BTBD9: variants seen among roughly 807,000 people sequenced by gnomAD.
BTBD9 encodes the protein BTB domain containing 9, also known as BTB/POZ domain-containing protein 9.
BTBD9 carries 49 observed loss-of-function variants against 64.3 expected under a neutral mutation model. The ratio of observed to expected loss-of-function variants is 0.76; its 90% CI spans 0.61 to 0.97. The LOEUF is 0.97. Ranked by LOEUF, BTBD9 falls within the 50% of genes least tolerant of loss-of-function variation. The probability of loss-of-function intolerance (pLI) is 0.00; values close to 1 mark genes in which losing one functional copy is unlikely to be tolerated. For synonymous variants in BTBD9, 260 were observed against 274.7 expected, an observed-to-expected ratio of 0.95 and a Z score of 0.53; for missense variants, 598 against 762.1, an observed-to-expected ratio of 0.78 and a Z score of 2.53.
chr6:38,364,733 C>T (rs993400169), intron 6 of BTBD9, among the ~76,000 whole-genome samples: 1 of 152,132 alleles, frequency 6.6e-6, no homozygotes, highest in African/African-American at 2.4e-5. Context: ...TAACCTAAAG[C>T]AAATCCTTTA....
chr6:38,501,996 T>C (rs1772223270), intron 6 of BTBD9, among the ~76,000 whole-genome samples: 1 of 152,194 alleles, frequency 6.6e-6, no homozygotes, highest in Non-Finnish European at 1.5e-5. Context: ...AAAGGGCTCC[T>C]GGGAACAAAA....
intron 9 of BTBD9, among the ~76,000 whole-genome samples, chr6:38,228,190 T>A (rs117852208): frequency 4.3e-4 from 65 of 151,834 alleles, no homozygotes; most frequent in Non-Finnish European, 6.9e-4. Context: ...GAGGAAACCT[T>A]GTCTTTACAA....
intron 6 of BTBD9, among the ~76,000 whole-genome samples, chr6:38,469,673 A>T (rs1010206200): frequency 1.3e-5 from 2 of 152,184 alleles, no homozygotes. Context: ...CCTCCTTGTC[A>T]TTTAAGAGAC....
chr6:38,392,511 CGTCT>C (rs1766465236), intron 6 of BTBD9, among the ~76,000 whole-genome samples: 1 of 150,302 alleles, frequency 6.7e-6, no homozygotes, highest in Admixed American at 6.7e-5. Flanking sequence ...CTTGACTAAG[CGTCT>C]ACTATACCAA....
intron 6 of BTBD9, among the ~76,000 whole-genome samples, chr6:38,477,607 G>T (rs528009587): frequency 1.1e-4 from 16 of 152,122 alleles, no homozygotes; most frequent in African/African-American, 3.9e-4. Flanking sequence ...ACATTTTACT[G>T]AGCTAACGAG....
intron 9 of BTBD9, among the ~76,000 whole-genome samples, chr6:38,204,039 T>G (rs1219623446): frequency 6.6e-6 from 1 of 151,898 alleles, no homozygotes; most frequent in Non-Finnish European, 1.5e-5. Flanking sequence ...ACACTATGTA[T>G]CAATAAAATT....
At chr6:38,427,513 C>T (rs971635420) in intron 6 of BTBD9, among the ~76,000 whole-genome samples, 3 of 151,860 alleles carry the variant, frequency 2.0e-5, no homozygotes, top group Admixed American at 6.5e-5. Context: ...ATGGGCTAGC[C>T]ATGCACAGAA....
chr6:38,512,168 TC>T (rs1329032385), intron 6 of BTBD9, among the ~76,000 whole-genome samples: 1 of 152,098 alleles, frequency 6.6e-6, no homozygotes, highest in African/African-American at 2.4e-5. Context: ...AGATGGGGTT[TC>T]TCCATGTTGG....
intron 6 of BTBD9, among the ~76,000 whole-genome samples, chr6:38,355,707 T>C (rs995107976): frequency 6.6e-6 from 1 of 152,190 alleles, no homozygotes; most frequent in Non-Finnish European, 1.5e-5. Context: ...ACAAAGCTGG[T>C]TTCACTATGA....
At chr6:38,240,776 A>C (rs1763966063) in intron 9 of BTBD9, among the ~76,000 whole-genome samples, 1 of 152,226 alleles carries the variant, frequency 6.6e-6, no homozygotes, top group Non-Finnish European at 1.5e-5. Context: ...AGTACGTGCC[A>C]TGTCTAACTA....
intron 9 of BTBD9, among the ~76,000 whole-genome samples, chr6:38,231,064 A>C (rs1355377455): frequency 6.6e-6 from 1 of 152,174 alleles, no homozygotes; most frequent in Non-Finnish European, 1.5e-5. Flanking sequence ...TTGAATGGTG[A>C]GAATTATAGA....
intron 6 of BTBD9, among the ~76,000 whole-genome samples, chr6:38,460,616 TTTTTTG>T (rs1264675602): frequency 6.6e-6 from 1 of 152,110 alleles, no homozygotes; most frequent in Non-Finnish European, 1.5e-5. Flanking sequence ...AGTTAGGGTT[TTTTTTG>T]TTTTTGTTTT....
At chr6:38,215,505 A>T (rs759485818) in intron 9 of BTBD9, among the ~76,000 whole-genome samples, 10 of 152,244 alleles carry the variant, frequency 6.6e-5, no homozygotes, top group Non-Finnish European at 8.8e-5. Flanking sequence ...AGGCCCTGTT[A>T]GCGCTGGATG....
chr6:38,529,093 C>G (rs1374288737), intron 6 of BTBD9, among the ~76,000 whole-genome samples: 1 of 152,084 alleles, frequency 6.6e-6, no homozygotes, highest in Non-Finnish European at 1.5e-5. Flanking sequence ...GCAGCATTCA[C>G]TACAAGCTGA....
chr6:38,337,916 G>C (rs1763956678), intron 7 of BTBD9, among the ~76,000 whole-genome samples: 1 of 152,210 alleles, frequency 6.6e-6, no homozygotes, highest in African/African-American at 2.4e-5. Flanking sequence ...GAAGGAAAAA[G>C]ACATGTTCTT....
chr6:38,407,726 T>C (rs1426873904), intron 6 of BTBD9, among the ~76,000 whole-genome samples: 6 of 152,196 alleles, frequency 3.9e-5, no homozygotes, highest in African/African-American at 9.7e-5. Context: ...TCATTTTCCA[T>C]GGGTATTTTC....
intron 6 of BTBD9, among the ~76,000 whole-genome samples, chr6:38,433,891 G>A (rs898989864): frequency 2.0e-5 from 3 of 151,930 alleles, no homozygotes; most frequent in Admixed American, 6.5e-5. Flanking sequence ...ACTCATGACT[G>A]GAACAGTGCC....
At chr6:38,468,669 C>T (rs1770503458) in intron 6 of BTBD9, among the ~76,000 whole-genome samples, 1 of 152,118 alleles carries the variant, frequency 6.6e-6, no homozygotes, top group African/African-American at 2.4e-5. Context: ...CTCAAGTTTC[C>T]CTAGGATAGT....
At chr6:38,458,831 CT>C (rs754499111) in intron 6 of BTBD9, among the ~76,000 whole-genome samples, 28 of 152,056 alleles carry the variant, frequency 1.8e-4, no homozygotes, top group Non-Finnish European at 2.9e-4. Context: ...TGTTTCCCCC[CT>C]CCTTATAACA....
Sources: allele counts gnomAD v4.1 joint callset (sites outside exome capture counted in the v4.1 genomes callset), GRCh38; gene constraint gnomAD v4.1.1; transcripts MANE v1.5; gene names NCBI Gene and HGNC (gene_info 2026-07-23, HGNC 2026-07-21).